Variants in COL4A4 observed in about 807,000 individuals in gnomAD.
COL4A4 encodes the protein collagen type IV alpha 4 chain.
COL4A4 carries 105 observed loss-of-function variants against 192.9 expected under a neutral mutation model. The ratio of observed to expected loss-of-function variants is 0.54; its 90% CI spans 0.46 to 0.64. The LOEUF (loss-of-function observed/expected upper bound fraction) is 0.64, where lower values mean the gene tolerates loss of function less well. Ranked by LOEUF, COL4A4 falls within the 30% of genes least tolerant of loss-of-function variation. The pLI is 0.00. For synonymous variants in COL4A4, 762 were observed against 769.9 expected (o/e 0.99, Z 0.17); for missense variants, 1,967 against 2,169.3 (o/e 0.91, Z 1.85).
the COL4A4 span, among the ~76,000 whole-genome samples, chr2:226,991,765 A>G: frequency 4.6e-5 from 7 of 152,294 alleles, no homozygotes; most frequent in African/African-American, 1.7e-4. Flanking sequence ...TAAAAAGTGG[A>G]GGAGTTGGGA....
chr2:227,098,932 C>T (rs1453183926), intron 18 of COL4A4, 134 bp from the exon 19 acceptor site: 15 of 718,350 alleles, frequency 2.1e-5, no homozygotes, highest in South Asian at 5.3e-5. Context: ...ACATTTAAAA[C>T]GAAATATCTT....
chr2:227,030,429 A>G lies in COL4A4; in HGVS notation c.3973+14T>C. 6.2e-7 allele frequency: 1 copy of G among 1,614,092 alleles called. No individual in the cohort carries two copies. Among genetic ancestry groups the G allele is most frequent in the Non-Finnish European group, 8.5e-7 (1 of 1,179,940 alleles). On this transcript the variant is annotated intron_variant, in intron 41 of 47. Transcript: ENST00000396625. ...AAGTTATTCACATATTACTTAACGG[A>G]ACAACATTCATACCTTTCTGGCCAT...
At chr2:227,095,827 G>A (rs1276813232) in intron 19 of COL4A4, among the ~76,000 whole-genome samples, 6 of 152,132 alleles carry the variant, frequency 3.9e-5, no homozygotes, top group African/African-American at 9.7e-5. Context: ...CCTGAGAGGC[G>A]GAGGTTGCAG....
rs769362865 is a variant in COL4A4, at chr2:227,094,276, G to A, written c.1218C>T (p.Pro406=). The change falls in exon 20 of 48, where the codon CCC becomes CCT. Residue 406 remains proline (P), a synonymous_variant. Coordinates refer to ENST00000396625, the MANE Select transcript of COL4A4 (RefSeq NM_000092.5). Reference sequence around the variant, plus strand: ...GACCAGGAAATCCTTGTGGCCCAGGGGGTCCTATCATGCCTGCAAGATAAA... The same window carrying A: ...GACCAGGAAATCCTTGTGGCCCAGGAGGTCCTATCATGCCTGCAAGATAAA... The part of the protein sequence containing the change: ...PGEACAGMIG[P]PGPQGFPGLP... 3.1e-6 allele frequency: 5 copies of A among 1,613,572 alleles called. No homozygotes were observed. The highest frequency in any genetic ancestry group is 2.2e-5 in the East Asian group (1 of 44,874).
intron 19 of COL4A4, among the ~76,000 whole-genome samples, chr2:227,094,586 C>G (rs1490323789): frequency 6.6e-6 from 1 of 152,064 alleles, no homozygotes; most frequent in African/African-American, 2.4e-5. Context: ...GGTACAAAGT[C>G]TTAGTCATGC....
intron 13 of COL4A4, among the ~76,000 whole-genome samples, chr2:227,103,697 C>A (rs543248239): frequency 5.3e-5 from 8 of 152,100 alleles, no homozygotes; most frequent in African/African-American, 1.9e-4. Context: ...TCAATCCACA[C>A]GTCAAAACAA....
chr2:226,977,663 GA>G, the COL4A4 span, among the ~76,000 whole-genome samples: 2 of 152,152 alleles, frequency 1.3e-5, no homozygotes, highest in African/African-American at 4.8e-5. Flanking sequence ...TAAAAGTAAG[GA>G]AAAGTTCTGA....
At chr2:227,161,974 T>C (rs1057019391) in intron 1 of COL4A4, among the ~76,000 whole-genome samples, 5 of 152,110 alleles carry the variant, frequency 3.3e-5, no homozygotes, top group African/African-American at 9.7e-5. Context: ...ATGTGACTAC[T>C]GTGTGAAGAT....
intron 19 of COL4A4, among the ~76,000 whole-genome samples, chr2:227,098,042 A>G (rs1182659825): frequency 6.6e-6 from 1 of 152,246 alleles, no homozygotes; most frequent in Non-Finnish European, 1.5e-5. Context: ...TTATGCCAAC[A>G]GGACTCTTTC....
rs1559743168 is a variant in COL4A4 at position 227,147,595 on chromosome 2, T to C, written c.-101-11A>G. On this transcript the variant is annotated splice_polypyrimidine_tract_variant and intron_variant, in intron 1 of 47. Transcript: ENST00000396625. ...GGTCAAAGTCTGTTCCTGTTAGATA[T>C]AAATATATCACTTAAAACACAGCAT... The C allele has an allele frequency of 1.2e-6, 1 of 852,528 alleles. No homozygotes were observed. Among genetic ancestry groups the C allele is most frequent in the East Asian group, 2.4e-5 (1 of 40,832 alleles). 52.8% of individuals were successfully genotyped at this position (852,528 alleles called of 1,614,324 possible). A position where few individuals can be genotyped will look rare whatever the true frequency, so the allele number is the denominator to read the frequency against.
intron 1 of COL4A4, among the ~76,000 whole-genome samples, chr2:227,162,669 C>A (rs2125583194): frequency 6.6e-6 from 1 of 152,294 alleles, no homozygotes; most frequent in East Asian, 1.9e-4. Context: ...TATCCTAATT[C>A]AACATGTGCG....
Position 227,147,523 on chromosome 2 carries a change from C to T in COL4A4, c.-40G>A. 1.3e-6 allele frequency: 2 copies of T among 1,576,072 alleles called. No homozygotes were observed. The highest frequency in any genetic ancestry group is 1.7e-6 in the Non-Finnish European group (2 of 1,147,374). ...AGTACTTAAAAAATATTCTGCCAGT[C>T]TTCTCTTCCAGAAGGTTCTTGTTGA... On this transcript the variant is annotated 5_prime_UTR_variant, in exon 2 of 48. Transcript: ENST00000396625.
intron 10 of COL4A4, 21 bp from the exon 11 acceptor site, chr2:227,108,889 A>G: frequency 6.2e-7 from 1 of 1,609,960 alleles, no homozygotes; most frequent in South Asian, 1.1e-5. Flanking sequence ...GGAGAAAAAA[A>G]CACAAATCAA....
intron 1 of COL4A4, among the ~76,000 whole-genome samples, chr2:227,152,910 C>T (rs1325469389): frequency 6.6e-6 from 1 of 152,132 alleles, no homozygotes; most frequent in Non-Finnish European, 1.5e-5. Flanking sequence ...TGTATTTAGT[C>T]TGTTCTCACA....
chr2:227,136,701 T>C (rs892208456), intron 4 of COL4A4, among the ~76,000 whole-genome samples: 1 of 152,210 alleles, frequency 6.6e-6, no homozygotes, highest in Admixed American at 6.5e-5. Flanking sequence ...CTGTCAACGA[T>C]TGCTTTAGAC....
chr2:227,141,385 T>A (rs551975265), intron 3 of COL4A4, among the ~76,000 whole-genome samples: 47 of 152,338 alleles, frequency 3.1e-4, no homozygotes, highest in African/African-American at 1.1e-3. Flanking sequence ...TATAGTCCCA[T>A]GGAAGACATA....
rs114672838 is a variant in COL4A4 at position 227,055,757 on chromosome 2, C to T, written c.2716+188G>A. Among the ~76,000 whole-genome samples the T allele has an allele frequency of 4.8e-3, 723 of 152,154 alleles. 8 individuals are homozygous for T. The highest frequency in any genetic ancestry group is 0.016 in the African/African-American group (679 of 41,504). On this transcript the variant is annotated intron_variant, in intron 30 of 47. Coordinates refer to ENST00000396625, the MANE Select transcript of COL4A4 (RefSeq NM_000092.5). ...CCTACAAACCCCTTTTCCCATTGAC[C>T]GGTACAGAAACATTTCGCCACTGGA... is the stretch of plus-strand genomic sequence containing the variant.
At chr2:227,039,160 A>AGTTTT (rs768959775) in intron 37 of COL4A4, among the ~76,000 whole-genome samples, 81 of 152,102 alleles carry the variant, frequency 5.3e-4, no homozygotes, top group Admixed American at 2.1e-3. Context: ...ATTAGCTATT[A>AGTTTT]GTTTTGTTTT....
At chr2:227,089,198 T>G (rs912005608) in intron 21 of COL4A4, among the ~76,000 whole-genome samples, 3 of 152,080 alleles carry the variant, frequency 2.0e-5, no homozygotes, top group Admixed American at 1.3e-4. Flanking sequence ...CTGAAAAAAT[T>G]AATTGGTGAG....
Sources: gnomAD v4.1 joint callset for allele counts (sites outside exome capture counted in the v4.1 genomes callset) on GRCh38, gnomAD v4.1.1 for gene constraint, MANE v1.5 for transcripts, NCBI Gene and HGNC (gene_info 2026-07-23, HGNC 2026-07-21) for gene names.